Variants in CNTN5 observed in about 807,000 individuals in gnomAD.
CNTN5 encodes the protein contactin 5, also known as contactin-5.
CNTN5 carries 77 observed loss-of-function variants against 129.1 expected under a neutral mutation model. The ratio of observed to expected loss-of-function variants is 0.60; its 90% confidence interval spans 0.50 to 0.72. CNTN5 has a LOEUF of 0.72. CNTN5 is among the 30% of genes least tolerant of loss of function. The pLI is 0.00. For missense variants in CNTN5, 1,478 were observed against 1,328.8 expected (o/e 1.11, Z -1.75); for synonymous variants, 509 against 465.6 (o/e 1.09, Z -1.20).
Position 100,356,219 on chromosome 11 carries a change from GA to G in CNTN5, c.*3del, listed in dbSNP as rs931591680. 1 of 1,596,390 alleles carries G rather than the reference GA, an allele frequency of 6.3e-7. No individual in the cohort carries two copies. Among genetic ancestry groups the G allele is most frequent in the African/African-American group, 1.3e-5 (1 of 74,388 alleles). On this transcript the variant is annotated frameshift_variant and stop_lost, in exon 25 of 25. Coordinates refer to ENST00000524871, the MANE Select transcript of CNTN5 (RefSeq NM_014361.4). LOFTEE classifies it high-confidence loss of function. ...LALMIPSTSW[*>X] The stretch of plus-strand genomic sequence containing the variant: ...TTGATGATTCCTTCAACTTCCTGGT[GA>G]AAACTGCTGACTTAATTTGCTTTTG...
chr11:100,203,476 C>A (rs1211440053), intron 15 of CNTN5, among the ~76,000 whole-genome samples: 5 of 151,934 alleles, frequency 3.3e-5, no homozygotes, highest in Non-Finnish European at 7.4e-5. Flanking sequence ...CATACCTGTT[C>A]TTAATAAGTA....
chr11:99,026,035 A>G (rs1214915697), intron 1 of CNTN5, among the ~76,000 whole-genome samples: 1 of 151,700 alleles, frequency 6.6e-6, no homozygotes, highest in African/African-American at 2.4e-5. Context: ...GTACTAAACT[A>G]GACAAAATCC....
At chr11:100,040,530 C>A (rs1006150151) in intron 9 of CNTN5, among the ~76,000 whole-genome samples, 1 of 152,212 alleles carries the variant, frequency 6.6e-6, no homozygotes, top group African/African-American at 2.4e-5. Flanking sequence ...GCAGAGGTTA[C>A]TGCTGTCTTT....
At position 99,040,996 on chromosome 11, in the gene CNTN5, A is replaced by G. The variant is rs76477435; in HGVS notation, c.-210+19726A>G. The stretch of plus-strand genomic sequence containing the variant: ...ATCAACTTAGGAGGAACTAAACCAA[A>G]TGTATTAAGAGAAAGAAGTGTAAAG... On this transcript the variant is annotated intron_variant, in intron 1 of 24. Transcript: ENST00000524871. Among the ~76,000 whole-genome samples, 1,157 of 152,220 alleles carry G rather than the reference A, an allele frequency of 7.6e-3. 9 individuals are homozygous for G. The highest frequency in any genetic ancestry group is 0.014 in the Admixed American group (207 of 15,284).
chr11:100,163,426 C>T (rs1156498646), intron 13 of CNTN5, among the ~76,000 whole-genome samples: 1 of 151,738 alleles, frequency 6.6e-6, no homozygotes, highest in Non-Finnish European at 1.5e-5. Context: ...AATATATTTA[C>T]ATGATACAGC....
chr11:99,157,676 C>T (rs944933370), intron 1 of CNTN5, among the ~76,000 whole-genome samples: 6 of 152,014 alleles, frequency 3.9e-5, no homozygotes, highest in African/African-American at 1.2e-4. Context: ...TTCCATGTCT[C>T]TATGTTAACT....
intron 1 of CNTN5, among the ~76,000 whole-genome samples, chr11:99,214,400 A>AATAT (rs10557139): frequency 1.5e-4 from 22 of 146,948 alleles, no homozygotes; most frequent in East Asian, 7.9e-4. Context: ...TATATAAATA[A>AATAT]ATATATATAT....
At chr11:99,801,777 C>G (rs1946120971) in intron 3 of CNTN5, among the ~76,000 whole-genome samples, 1 of 152,180 alleles carries the variant, frequency 6.6e-6, no homozygotes, top group Non-Finnish European at 1.5e-5. Context: ...TCAAGAAGCT[C>G]TGATATTTTT....
chr11:100,111,221 AC>A (rs1422201401), intron 13 of CNTN5, among the ~76,000 whole-genome samples: 1 of 152,106 alleles, frequency 6.6e-6, no homozygotes, highest in Non-Finnish European at 1.5e-5. Flanking sequence ...CACTTAACTG[AC>A]TTTTGTGGGA....
At chr11:99,867,711 G>A (rs1006186775) in intron 6 of CNTN5, among the ~76,000 whole-genome samples, 1 of 152,114 alleles carries the variant, frequency 6.6e-6, no homozygotes, top group Non-Finnish European at 1.5e-5. Flanking sequence ...GTATAATCCA[G>A]TAGAATCTCT....
At chr11:99,381,999 A>G (rs576919214) in intron 2 of CNTN5, among the ~76,000 whole-genome samples, 1 of 151,780 alleles carries the variant, frequency 6.6e-6, no homozygotes, top group South Asian at 2.1e-4. Flanking sequence ...CAAACAAACA[A>G]ATCAACACAA....
chr11:100,043,052 C>G (rs1942466100), intron 9 of CNTN5, among the ~76,000 whole-genome samples: 1 of 152,108 alleles, frequency 6.6e-6, no homozygotes. Context: ...AGCAATAACT[C>G]TACTCTCAGG....
At chr11:99,704,045 G>A (rs973269385) in intron 3 of CNTN5, among the ~76,000 whole-genome samples, 2 of 147,292 alleles carry the variant, frequency 1.4e-5, no homozygotes, top group African/African-American at 4.9e-5. Flanking sequence ...TTATATGTGT[G>A]TATATATATA....
At chr11:99,455,030 GA>G (rs938142930) in intron 2 of CNTN5, among the ~76,000 whole-genome samples, 113 of 152,276 alleles carry the variant, frequency 7.4e-4, no homozygotes, top group African/African-American at 2.6e-3. Flanking sequence ...GGCAAGGGAT[GA>G]GTGGTTTTTC....
chr11:100,271,395 T>C (rs1218588819), intron 18 of CNTN5, among the ~76,000 whole-genome samples, 154 bp downstream of exon 18: 1 of 152,186 alleles, frequency 6.6e-6, no homozygotes. Flanking sequence ...TTAAAATAAT[T>C]ATTTCATTTT....
intron 1 of CNTN5, among the ~76,000 whole-genome samples, chr11:99,116,195 A>C (rs1047389180): frequency 1.1e-4 from 16 of 152,130 alleles, no homozygotes; most frequent in Non-Finnish European, 1.9e-4. Context: ...AGAGAAATTG[A>C]AATTTCTTGT....
At chr11:99,371,063 C>T (rs1591586860) in intron 2 of CNTN5, among the ~76,000 whole-genome samples, 1 of 152,126 alleles carries the variant, frequency 6.6e-6, no homozygotes. Flanking sequence ...GAGAGGCAGT[C>T]TGACTCATCA....
chr11:99,326,587 A>G (rs949929382), intron 2 of CNTN5, among the ~76,000 whole-genome samples: 5 of 152,198 alleles, frequency 3.3e-5, no homozygotes, highest in African/African-American at 1.2e-4. Context: ...AGCCACACTC[A>G]AATTCTAGCA....
At chr11:99,488,669 A>G (rs563750396) in intron 2 of CNTN5, among the ~76,000 whole-genome samples, 3 of 152,306 alleles carry the variant, frequency 2.0e-5, no homozygotes, top group African/African-American at 7.2e-5. Flanking sequence ...ATTTAATTAC[A>G]TAGAATTGTG....
Sources: gnomAD v4.1 joint callset for allele counts (sites outside exome capture counted in the v4.1 genomes callset) on GRCh38, gnomAD v4.1.1 for gene constraint, MANE v1.5 for transcripts, NCBI Gene and HGNC (gene_info 2026-07-23, HGNC 2026-07-21) for gene names.